CTRB2: variants seen among roughly 807,000 people sequenced by gnomAD.
CTRB2 encodes the protein chymotrypsin B2.
In CTRB2, 9 loss-of-function variants were observed where a neutral mutation model predicts 19.3. The ratio of observed to expected loss-of-function variants is 0.47; its 90% CI spans 0.28 to 0.81. The LOEUF (loss-of-function observed/expected upper bound fraction) is 0.81. Ranked by LOEUF, CTRB2 falls within the 40% of genes least tolerant of loss-of-function variation. The pLI is 0.11. For synonymous variants in CTRB2, 98 were observed against 117.3 expected, an observed-to-expected ratio of 0.84 and a Z score of 1.06; for missense variants, 210 against 269.7, an observed-to-expected ratio of 0.78 and a Z score of 1.55.
Position 75,204,278 on chromosome 16 carries a change from C to A in CTRB2, c.675G>T (p.Trp225Cys), listed in dbSNP as rs767429128. ...GPLVCQKDGA[W>C]TLVGIVSWGS... ...CCCAGGACACAATGCCCACCAGGGT[C>A]CAGGCTCCGTCCTTCTGGCAGACCA... The change falls in exon 7 of 7, where the codon TGG becomes TGT. Residue 225 changes from tryptophan to cysteine, a missense_variant. By Grantham distance (215) the Trp-to-Cys change is radical (BLOSUM62 -2). This residue lies in a region of CTRB2 where 120 missense variants were observed against 90.8 expected (regional missense o/e 1.32). Coordinates refer to ENST00000303037, the MANE Select transcript of CTRB2 (RefSeq NM_001025200.4). The A allele has an allele frequency of 1.4e-5, 22 of 1,614,092 alleles. No homozygotes were observed. The highest frequency in any genetic ancestry group is 1.9e-5 in the Non-Finnish European group (22 of 1,180,006).
chr16:75,204,430 G>T, intron 6 of CTRB2, 108 bp from the exon 7 acceptor site: 1 of 1,127,992 alleles, frequency 8.9e-7, no homozygotes, highest in Non-Finnish European at 1.3e-6. Flanking sequence ...GTAAGCATGG[G>T]CATAGGGGCT....
At chr16:75,206,536 A>T (rs1489522128) in intron 1 of CTRB2, 1 of 402,736 alleles carries the variant, frequency 2.5e-6, no homozygotes, top group Non-Finnish European at 4.5e-6. Flanking sequence ...TGCCCAGCTA[A>T]GCCACTCAGT....
chr16:75,204,250 T>G lies in CTRB2; in HGVS notation c.703A>C (p.Ser235Arg), dbSNP rs775952669. The G allele has an allele frequency of 6.2e-7, 1 of 1,614,090 alleles. No individual in the cohort carries two copies. Among genetic ancestry groups the G allele is most frequent in the South Asian group, 1.1e-5 (1 of 91,080 alleles). Residue 235 changes from serine to arginine, a missense_variant, in exon 7 of 7, where the codon AGC becomes CGC. Around this residue, in one of 4 missense-constraint regions of CTRB2, gnomAD observed 120 missense variants for 90.8 expected, o/e 1.32. Coordinates refer to ENST00000303037, the MANE Select transcript of CTRB2 (RefSeq NM_001025200.4). ...WTLVGIVSWG[S>R]RTCSTTTPAV... ...GGCGTGGTGGTAGAGCAGGTGCGGC[T>G]GCCCCAGGACACAATGCCCACCAGG...
In CTRB2 at chr16:75,204,275, G is replaced by A. The variant is rs2038867566; in HGVS notation, c.678C>T (p.Thr226=). 1.2e-6 allele frequency: 2 copies of A among 1,613,938 alleles called. No homozygotes were observed. The highest frequency in any genetic ancestry group is 1.3e-5 in the African/African-American group (1 of 74,888). Reference sequence around the variant, plus strand: ...TGCCCCAGGACACAATGCCCACCAGGGTCCAGGCTCCGTCCTTCTGGCAGA... The same window carrying A: ...TGCCCCAGGACACAATGCCCACCAGAGTCCAGGCTCCGTCCTTCTGGCAGA... ...PLVCQKDGAW[T]LVGIVSWGSR... is the part of the protein sequence containing the mutation. Residue 226 remains threonine (T), a synonymous_variant, in exon 7 of 7, where the codon ACC becomes ACT. Transcript: ENST00000303037.
chr16:75,206,817 C>T, intron 1 of CTRB2: 1 of 484,234 alleles, frequency 2.1e-6, no homozygotes, highest in South Asian at 2.0e-5. Flanking sequence ...CCTGCCTCCT[C>T]CCCCCGCCTC....
Position 75,204,336 on chromosome 16 carries a change from A to G in CTRB2, c.631-14T>C. ...TCCAGAGTCACCCTGCAGGAAGGAG[A>G]GGAAGTATCTCTAGGCCTGAAAGGG... is the stretch of plus-strand genomic sequence containing the variant. On this transcript the variant is annotated splice_polypyrimidine_tract_variant and intron_variant, in intron 6 of 6. Coordinates refer to ENST00000303037, the MANE Select transcript of CTRB2 (RefSeq NM_001025200.4). 6.2e-7 allele frequency: 1 copy of G among 1,613,392 alleles called. No individual in the cohort carries two copies. The highest frequency in any genetic ancestry group is 8.5e-7 in the Non-Finnish European group (1 of 1,179,750).
At chr16:75,206,843 C>G in intron 1 of CTRB2, 1 of 520,218 alleles carries the variant, frequency 1.9e-6, no homozygotes, top group Non-Finnish European at 3.5e-6. Context: ...CTGAGAGCCT[C>G]AGGTCTGCTG....
intron 1 of CTRB2, 67 bp downstream of exon 1, chr16:75,207,023 C>T: frequency 6.8e-7 from 1 of 1,460,712 alleles, no homozygotes; most frequent in South Asian, 1.2e-5. Flanking sequence ...CCTGCTGCCT[C>T]TTGCTGGCCT....
chr16:75,206,273 T>C, intron 1 of CTRB2, 80 bp from the exon 2 acceptor site: 1 of 1,427,508 alleles, frequency 7.0e-7, no homozygotes, highest in East Asian at 2.5e-5. Context: ...TCCCAACTCT[T>C]TTCCAGTCTC....
intron 6 of CTRB2, 124 bp from the exon 7 acceptor site, chr16:75,204,446 G>T: frequency 9.9e-7 from 1 of 1,013,138 alleles, no homozygotes; most frequent in Non-Finnish European, 1.4e-6. Flanking sequence ...GGGCTGTGCC[G>T]GGGTCCTGAG....
chr16:75,206,407 T>C, intron 1 of CTRB2: 1 of 598,072 alleles, frequency 1.7e-6, no homozygotes, highest in Non-Finnish European at 2.9e-6. Context: ...TGCTGAGGAA[T>C]GGGGTGTTGG....
At chr16:75,204,540 C>T (rs1030386894) in intron 6 of CTRB2, among the ~76,000 whole-genome samples, 17 of 152,134 alleles carry the variant, frequency 1.1e-4, no homozygotes, top group Admixed American at 3.3e-4. Context: ...TAAGCCGGGG[C>T]ACCATCCATC....
rs2038870620 is a variant in CTRB2, at chr16:75,204,431, C to T, written c.631-109G>A. ...GGTGCGGAGAAATGGTAAGCATGGG[C>T]ATAGGGGCTGTGCCGGGGTCCTGAG... On this transcript the variant is annotated intron_variant, in intron 6 of 6. Transcript: ENST00000303037. The T allele has an allele frequency of 1.2e-5, 14 of 1,125,194 alleles. No individual in the cohort carries two copies. In the South Asian group the frequency reaches 2.0e-4, roughly 16 times the overall value. 69.7% of individuals were successfully genotyped at this position (1,125,194 alleles called of 1,614,324 possible).
At position 75,206,597 on chromosome 16, in the gene CTRB2, G is replaced by T; in HGVS notation, c.53-404C>A. 1.6e-5 allele frequency: 5 copies of T among 316,244 alleles called. No homozygotes were observed. The South Asian group carries it at 1.6e-4, about 10-fold the overall frequency. The allele number at this position is 316,244 out of a possible 1,614,324, so 19.6% of individuals were successfully genotyped here. On this transcript the variant is annotated intron_variant, in intron 1 of 6. Coordinates refer to ENST00000303037, the MANE Select transcript of CTRB2 (RefSeq NM_001025200.4). Reference sequence around the variant, plus strand: ...CGCTGTTTCTGACCTCACAGGTTTGGTAGAGTGAGCAGGCAGAGCGCCAGC... The same window carrying T: ...CGCTGTTTCTGACCTCACAGGTTTGTTAGAGTGAGCAGGCAGAGCGCCAGC...
At position 75,204,258 on chromosome 16, in the gene CTRB2, G is replaced by C. The variant is rs2038867238; in HGVS notation, c.695C>G (p.Ser232Cys). Residue 232 changes from serine (S) to cysteine (C), a missense_variant, in exon 7 of 7, where the codon TCC becomes TGC. By Grantham distance (112) the Ser-to-Cys change is moderately radical. Around this residue, in one of 4 missense-constraint regions of CTRB2, gnomAD observed 120 missense variants for 90.8 expected, o/e 1.32. Transcript: ENST00000303037. Reference sequence around the variant, plus strand: ...GGTAGAGCAGGTGCGGCTGCCCCAGGACACAATGCCCACCAGGGTCCAGGC... The same window carrying C: ...GGTAGAGCAGGTGCGGCTGCCCCAGCACACAATGCCCACCAGGGTCCAGGC... The part of the protein sequence containing the change: ...DGAWTLVGIV[S>C]WGSRTCSTTT... The C allele has an allele frequency of 6.2e-7, 1 of 1,614,010 alleles. No homozygotes were observed. The highest frequency in any genetic ancestry group is 1.1e-5 in the South Asian group (1 of 91,088).
In CTRB2 at chr16:75,206,210, G is replaced by C. The variant is rs539062248; in HGVS notation, c.53-17C>G. The C allele has an allele frequency of 4.6e-5, 72 of 1,553,110 alleles. 1 individual carries two copies. In the South Asian group the frequency reaches 8.1e-4, roughly 18 times the overall value. The stretch of plus-strand genomic sequence containing the variant: ...CCCCGCAGCCTGGGGGCGGGAGTGG[G>C]CTGAGGGGTGGGTACCACCCACCCA... On this transcript the variant is annotated splice_polypyrimidine_tract_variant and intron_variant, in intron 1 of 6. Coordinates refer to ENST00000303037, the MANE Select transcript of CTRB2 (RefSeq NM_001025200.4).
chr16:75,204,381 C>G, intron 6 of CTRB2, 59 bp from the exon 7 acceptor site: 2 of 1,545,246 alleles, frequency 1.3e-6, no homozygotes. Context: ...CCTAGGGGAC[C>G]CTGACCTGGT....
At chr16:75,206,959 C>G (rs897490526) in intron 1 of CTRB2, 131 bp downstream of exon 1, 1 of 861,860 alleles carries the variant, frequency 1.2e-6, no homozygotes. Flanking sequence ...GAGATGGAGC[C>G]GGTGACTCGC....
At position 75,206,106 on chromosome 16, in the gene CTRB2, C is replaced by G; in HGVS notation, c.140G>C (p.Trp47Ser). The change falls in exon 2 of 7, where the codon TGG (tryptophan) becomes TCG (serine). Residue 47 changes from tryptophan to serine, a missense_variant. Transcript: ENST00000303037. ...GEDAVPGSWP[W>S]QVSLQDKTGF... Reference sequence around the variant, plus strand: ...CCCCCTCACCTGCAGGGACACCTGCCAGGGCCAGGAGCCGGGGACGGCGTC... The same window carrying G: ...CCCCCTCACCTGCAGGGACACCTGCGAGGGCCAGGAGCCGGGGACGGCGTC... 4.6e-6 allele frequency: 7 copies of G among 1,527,916 alleles called. No homozygotes were observed. The highest frequency in any genetic ancestry group is 6.2e-6 in the Non-Finnish European group (7 of 1,131,234). 94.6% of individuals were successfully genotyped at this position (1,527,916 alleles called of 1,614,324 possible). A position where few individuals can be genotyped will look rare whatever the true frequency, so the allele number is the denominator to read the frequency against.
Sources: allele counts gnomAD v4.1 joint callset (sites outside exome capture counted in the v4.1 genomes callset), GRCh38; gene constraint gnomAD v4.1.1; regional missense constraint gnomAD v4.1.1; transcripts MANE v1.5; gene names NCBI Gene and HGNC (gene_info 2026-07-23, HGNC 2026-07-21).